The following SUPT3H variants were observed in gnomAD, a reference collection of about 807,000 sequenced individuals.
The protein encoded by SUPT3H is SPT3 homolog, SAGA and STAGA complex component, also known as transcription initiation protein SPT3 homolog.
SUPT3H carries 44 observed loss-of-function variants against 44.3 expected under a neutral mutation model. That is an observed-to-expected ratio of 0.99 (90% CI 0.78 to 1.28). The LOEUF is 1.28. SUPT3H is among the 50% of genes most tolerant of loss of function. The pLI is 0.00. For synonymous variants in SUPT3H, 124 were observed against 125.6 expected, an observed-to-expected ratio of 0.99 and a Z score of 0.09; for missense variants, 380 against 387.1, an observed-to-expected ratio of 0.98 and a Z score of 0.15.
rs1224667709 is a variant in SUPT3H at position 45,377,834 on chromosome 6, G to A, written c.-67C>T. The A allele has an allele frequency of 6.5e-6, 1 of 154,304 alleles. No individual in the cohort carries two copies. Among genetic ancestry groups the A allele is most frequent in the Non-Finnish European group, 1.4e-5 (1 of 69,668 alleles). The allele number at this position is 154,304 out of a possible 1,614,324, so 9.6% of individuals were successfully genotyped here. ...CGAGGAGAATGTGGGGGTGGAGATGGTGCGGTTTCTGCTGCTGCGGCCCGG... is the reference window on the plus strand; with the variant it reads ...CGAGGAGAATGTGGGGGTGGAGATGATGCGGTTTCTGCTGCTGCGGCCCGG... On this transcript the variant is annotated 5_prime_UTR_variant, in exon 1 of 11. Transcript: ENST00000371459.
Position 45,023,278 on chromosome 6 carries a change from A to G in SUPT3H, c.187-2646T>C, listed in dbSNP as rs80256731. 3.9e-3 allele frequency among the ~76,000 whole-genome samples: 587 copies of G among 152,100 alleles called. 6 individuals carry two copies. The highest frequency in any genetic ancestry group is 0.013 in the African/African-American group (560 of 41,500). ...TTAAAAAGTCAAAAAAAAAAAACAA[A>G]CCAGATGCTGGCAAGGCTGTGGAGA... is the stretch of plus-strand genomic sequence containing the variant. On this transcript the variant is annotated intron_variant, in intron 3 of 10. Coordinates refer to ENST00000371459, the MANE Select transcript of SUPT3H (RefSeq NM_003599.4).
At chr6:45,222,080 A>G (rs944972123) in intron 2 of SUPT3H, among the ~76,000 whole-genome samples, 1 of 152,150 alleles carries the variant, frequency 6.6e-6, no homozygotes, top group African/African-American at 2.4e-5. Flanking sequence ...TTCATAGGCA[A>G]AAAAATAAAC....
chr6:45,024,255 T>C (rs1209507700), intron 3 of SUPT3H, among the ~76,000 whole-genome samples: 4 of 152,192 alleles, frequency 2.6e-5, no homozygotes, highest in Non-Finnish European at 5.9e-5. Context: ...CACTATTACA[T>C]GTCACCTCAA....
chr6:45,198,682 G>C (rs1368295913), intron 2 of SUPT3H, among the ~76,000 whole-genome samples: 1 of 150,788 alleles, frequency 6.6e-6, no homozygotes, highest in African/African-American at 2.4e-5. Flanking sequence ...TTTGATCCAG[G>C]GTTATTTATA....
At chr6:45,143,599 T>C (rs181954491) in intron 2 of SUPT3H, among the ~76,000 whole-genome samples, 3 of 152,128 alleles carry the variant, frequency 2.0e-5, no homozygotes, top group Non-Finnish European at 4.4e-5. Context: ...TCAAATAGTC[T>C]GAAAGAGCAC....
chr6:44,998,157 T>C (rs1388749706), intron 6 of SUPT3H, among the ~76,000 whole-genome samples: 1 of 151,926 alleles, frequency 6.6e-6, no homozygotes, highest in Admixed American at 6.6e-5. Flanking sequence ...TTCTCCTTTT[T>C]TTTTCTTTTC....
intron 3 of SUPT3H, among the ~76,000 whole-genome samples, chr6:45,021,333 G>T (rs1785104973): frequency 6.6e-6 from 1 of 151,758 alleles, no homozygotes; most frequent in Non-Finnish European, 1.5e-5. Flanking sequence ...GAATTCATAA[G>T]TCCTAGAAAC....
At chr6:45,224,165 T>C (rs1165597317) in intron 2 of SUPT3H, among the ~76,000 whole-genome samples, 2 of 151,662 alleles carry the variant, frequency 1.3e-5, no homozygotes, top group Non-Finnish European at 2.9e-5. Context: ...AATGTAAATG[T>C]CATTAAAACT....
Position 45,296,843 on chromosome 6 carries a change from C to T in SUPT3H, c.101+68358G>A, listed in dbSNP as rs142602567. On this transcript the variant is annotated intron_variant, in intron 2 of 10. Transcript: ENST00000371459. ...ACAAATCACCACTAAAGAACTTATT[C>T]ATGTAACCAAACACCACCTGTGCCC... Among the ~76,000 whole-genome samples, 42 of 147,632 alleles carry T rather than the reference C, an allele frequency of 2.8e-4. 1 individual carries two copies. In the East Asian group the frequency reaches 8.6e-3, roughly 30 times the overall value.
At chr6:44,820,742 CAGTA>C (rs1473129389) in intron 11 of SUPT3H, among the ~76,000 whole-genome samples, 2 of 152,044 alleles carry the variant, frequency 1.3e-5, no homozygotes, top group African/African-American at 4.8e-5. Flanking sequence ...TTTTAGAAGA[CAGTA>C]AGTGTTAGAG....
intron 10 of SUPT3H, among the ~76,000 whole-genome samples, chr6:44,877,396 G>C (rs987107140): frequency 1.4e-4 from 21 of 149,984 alleles, no homozygotes; most frequent in African/African-American, 5.1e-4. Context: ...TTGAACCCCA[G>C]AGGCAGAGGT....
chr6:45,294,690 G>A (rs6935398), intron 2 of SUPT3H, among the ~76,000 whole-genome samples: 58,205 of 135,264 alleles, frequency 0.43, 12,155 homozygotes, highest in East Asian at 0.72. Context: ...ACAGTGACCA[G>A]GTTGAGAATC....
intron 10 of SUPT3H, among the ~76,000 whole-genome samples, chr6:44,905,217 A>T (rs1355794787): frequency 6.6e-6 from 1 of 152,160 alleles, no homozygotes; most frequent in African/African-American, 2.4e-5. Context: ...AGAAACTACC[A>T]TCAGAGTGAA....
chr6:44,857,081 A>C lies in SUPT3H; in HGVS notation c.913-27224T>G, dbSNP rs1230229267. Reference sequence around the variant, plus strand: ...TAAGCAGTCTTTTGAGACTCAAAGAAATAATCCCTTTATTAAAAATTCAGA... The same window carrying C: ...TAAGCAGTCTTTTGAGACTCAAAGACATAATCCCTTTATTAAAAATTCAGA... On this transcript the variant is annotated intron_variant, in intron 10 of 10. Transcript: ENST00000371459. Among the ~76,000 whole-genome samples the C allele has an allele frequency of 3.9e-5, 6 of 152,288 alleles. No homozygotes were observed. The South Asian group carries it at 8.3e-4, about 21-fold the overall frequency.
intron 1 of SUPT3H, among the ~76,000 whole-genome samples, chr6:45,375,017 G>A (rs1395490076): frequency 1.3e-5 from 2 of 152,092 alleles, no homozygotes; most frequent in Non-Finnish European, 2.9e-5. Flanking sequence ...AACCAGCCTG[G>A]CCAACATAGT....
intron 7 of SUPT3H, among the ~76,000 whole-genome samples, chr6:44,955,064 C>G (rs1774903223): frequency 6.6e-6 from 1 of 152,118 alleles, no homozygotes; most frequent in Admixed American, 6.5e-5. Context: ...TAATATTTTT[C>G]AAAAATATTC....
At chr6:45,244,299 G>T (rs1244394921) in intron 2 of SUPT3H, among the ~76,000 whole-genome samples, 2 of 152,170 alleles carry the variant, frequency 1.3e-5, no homozygotes, top group Admixed American at 6.5e-5. Flanking sequence ...CGCTCCCACA[G>T]TTCTTCTCAA....
chr6:45,254,895 C>T (rs907791612), intron 2 of SUPT3H, among the ~76,000 whole-genome samples: 3 of 151,992 alleles, frequency 2.0e-5, no homozygotes, highest in African/African-American at 4.8e-5. Context: ...TGCTGCATTC[C>T]CCTCTGGAAT....
chr6:45,356,542 C>T (rs566459283), intron 2 of SUPT3H, among the ~76,000 whole-genome samples: 3 of 152,056 alleles, frequency 2.0e-5, no homozygotes, highest in Non-Finnish European at 2.9e-5. Flanking sequence ...GGATTAAAAG[C>T]GTGTGCCACC....
Sources: allele counts gnomAD v4.1 joint callset (sites outside exome capture counted in the v4.1 genomes callset), GRCh38; gene constraint gnomAD v4.1.1; transcripts MANE v1.5; gene names NCBI Gene and HGNC (gene_info 2026-07-23, HGNC 2026-07-21).